Variants in SHROOM2 observed in about 807,000 individuals in gnomAD.
SHROOM2 encodes the protein protein Shroom2.
Under a neutral mutation model 75.9 loss-of-function variants are expected in SHROOM2, and 33 were observed. That is an observed-to-expected ratio of 0.43 (90% confidence interval 0.33 to 0.58). The LOEUF (loss-of-function observed/expected upper bound fraction) is 0.58, where lower values mean the gene tolerates loss of function less well. Among genes scored for constraint, SHROOM2 ranks in the 20% least tolerant of loss-of-function variants. The pLI is 0.04. For missense variants in SHROOM2, 1,434 were observed against 1,461.2 expected, an observed-to-expected ratio of 0.98 and a Z score of 0.30; for synonymous variants, 655 against 663.6, an observed-to-expected ratio of 0.99 and a Z score of 0.20.
intron 5 of SHROOM2, among the ~76,000 whole-genome samples, chrX:9,931,525 T>C (rs2084648335): frequency 9.0e-6 from 1 of 110,718 alleles, no homozygotes; most frequent in African/African-American, 3.3e-5. Flanking sequence ...TGGGCACCTA[T>C]AGTCTCAGCT....
chrX:9,832,865 T>C (rs184789249), intron 1 of SHROOM2, among the ~76,000 whole-genome samples: 1 of 111,321 alleles, frequency 9.0e-6, no homozygotes, highest in Non-Finnish European at 1.9e-5. Flanking sequence ...TCTTGTTTTG[T>C]GTATAGGAAG....
intron 2 of SHROOM2, 101 bp downstream of exon 2, chrX:9,873,904 T>A (rs1383215365): frequency 3.3e-6 from 3 of 896,965 alleles, no homozygotes; most frequent in Non-Finnish European, 4.7e-6. Context: ...TACAGAGATC[T>A]CGATTGGGAC....
chrX:9,929,317 T>C (rs1344593631), intron 5 of SHROOM2, among the ~76,000 whole-genome samples: 1 of 112,286 alleles, frequency 8.9e-6, no homozygotes, highest in Non-Finnish European at 1.9e-5. Flanking sequence ...ATTGCTGTGC[T>C]GCTGCAGGTC....
chrX:9,897,268 G>A (rs191785918), intron 4 of SHROOM2, among the ~76,000 whole-genome samples: 86 of 111,792 alleles, frequency 7.7e-4, no homozygotes, highest in Non-Finnish European at 1.3e-3. Flanking sequence ...TTAATGTCCA[G>A]CTTTCTAGAA....
chrX:9,867,293 G>A (rs948262859), intron 1 of SHROOM2, among the ~76,000 whole-genome samples: 11 of 111,520 alleles, frequency 9.9e-5, no homozygotes, highest in African/African-American at 2.9e-4. Flanking sequence ...GTATTTGCCC[G>A]GGTGTGTGGA....
intron 1 of SHROOM2, chrX:9,818,916 G>A: frequency 1.8e-6 from 1 of 552,164 alleles, no homozygotes; most frequent in Non-Finnish European, 3.3e-6. Context: ...CTTCCCCCCA[G>A]TCATCCTCCT....
intron 5 of SHROOM2, among the ~76,000 whole-genome samples, chrX:9,898,642 G>A (rs1192277231): frequency 1.8e-5 from 2 of 112,432 alleles, no homozygotes; most frequent in Admixed American, 1.9e-4. Flanking sequence ...TGCACAGAGC[G>A]CCTTATGGAA....
intron 2 of SHROOM2, among the ~76,000 whole-genome samples, chrX:9,881,691 C>A (rs753737362): frequency 1.8e-5 from 2 of 112,641 alleles, no homozygotes; most frequent in Non-Finnish European, 3.8e-5. Flanking sequence ...GTGCCTGTAA[C>A]TTTGCATTCA....
chrX:9,935,326 TTA>T (rs1361561341), intron 6 of SHROOM2, among the ~76,000 whole-genome samples: 9 of 104,604 alleles, frequency 8.6e-5, no homozygotes, highest in African/African-American at 3.2e-4. Context: ...ATTATTATTA[TTA>T]TTATTATTTA....
intron 2 of SHROOM2, among the ~76,000 whole-genome samples, chrX:9,885,842 A>G (rs778751971): frequency 2.7e-4 from 29 of 107,442 alleles, no homozygotes; most frequent in Non-Finnish European, 4.8e-4. Context: ...GGTCCCAGCT[A>G]CTCAAGAGGC....
intron 1 of SHROOM2, among the ~76,000 whole-genome samples, chrX:9,789,088 C>T (rs780337794): frequency 4.3e-4 from 48 of 111,668 alleles, no homozygotes; most frequent in African/African-American, 6.2e-4. Flanking sequence ...TTTCCTCCCA[C>T]GCGTTGGCCC....
chrX:9,819,654 G>A (rs756822876), intron 1 of SHROOM2, among the ~76,000 whole-genome samples: 1 of 111,691 alleles, frequency 9.0e-6, no homozygotes, highest in Non-Finnish European at 1.9e-5. Context: ...CCCCAATACA[G>A]GTACTAATGG....
intron 1 of SHROOM2, among the ~76,000 whole-genome samples, chrX:9,806,670 G>GTA (rs1340631172): frequency 9.5e-5 from 7 of 73,794 alleles, no homozygotes; most frequent in African/African-American, 2.6e-4. Context: ...ATATGTGTGT[G>GTA]TATATATATA....
intron 5 of SHROOM2, among the ~76,000 whole-genome samples, chrX:9,898,550 G>A (rs2147021052): frequency 8.9e-6 from 1 of 112,297 alleles, no homozygotes; most frequent in African/African-American, 3.2e-5. Flanking sequence ...TTCTTAAAAT[G>A]GCTACTGTGT....
chrX:9,790,212 G>A (rs943737679), intron 1 of SHROOM2, among the ~76,000 whole-genome samples: 2 of 111,470 alleles, frequency 1.8e-5, no homozygotes, highest in African/African-American at 6.5e-5. Flanking sequence ...GAGGCCCCGC[G>A]CCTCTGATGT....
intron 1 of SHROOM2, among the ~76,000 whole-genome samples, chrX:9,812,323 A>T (rs150257787): frequency 5.2e-4 from 58 of 111,729 alleles, no homozygotes; most frequent in African/African-American, 1.4e-3. Context: ...CCTGTTGCAG[A>T]GCCTTCTCCA....
At position 9,928,269 on chromosome X, in the gene SHROOM2, G is replaced by C. The variant is rs747421288; in HGVS notation, c.2892-3906G>C. On this transcript the variant is annotated intron_variant, in intron 5 of 9. Coordinates refer to ENST00000380913, the MANE Select transcript of SHROOM2 (RefSeq NM_001649.4). Reference sequence around the variant, plus strand: ...CCCTCTGGGAACTGTGCAAGCAGCTGTCTCCTTGGGAACGTGGCATTAGCA... The same window carrying C: ...CCCTCTGGGAACTGTGCAAGCAGCTCTCTCCTTGGGAACGTGGCATTAGCA... Among the ~76,000 whole-genome samples the C allele has an allele frequency of 2.7e-5, 3 of 112,466 alleles. No individual in the cohort carries two copies. The South Asian group carries it at 1.1e-3, about 41-fold the overall frequency.
chrX:9,818,450 C>T lies in SHROOM2; in HGVS notation c.165+31740C>T, dbSNP rs139184903. 999 of 243,180 alleles carry T rather than the reference C, an allele frequency of 4.1e-3. 9 individuals are homozygous for T. The highest frequency in any genetic ancestry group is 0.028 in the African/African-American group (944 of 33,876). The allele number at this position is 243,180 out of a possible 1,213,427, so 20.0% of individuals were successfully genotyped here. ...TCTTTTGAGACATGTTTCTTAAAGG[C>T]CTTTTTCCGACCAGCTGATGACGAC... On this transcript the variant is annotated intron_variant, in intron 1 of 9. Transcript: ENST00000380913.
intron 1 of SHROOM2, among the ~76,000 whole-genome samples, chrX:9,839,881 G>C (rs1184200499): frequency 8.9e-6 from 1 of 112,286 alleles, no homozygotes; most frequent in Non-Finnish European, 1.9e-5. Flanking sequence ...GGGCGCTCCA[G>C]CCTGTGCAGA....
Sources: gnomAD v4.1 joint callset for allele counts (sites outside exome capture counted in the v4.1 genomes callset) on GRCh38, gnomAD v4.1.1 for gene constraint, MANE v1.5 for transcripts, NCBI Gene and HGNC (gene_info 2026-07-23, HGNC 2026-07-21) for gene names.